Variants in MAP3K2 observed in about 807,000 individuals in gnomAD.
MAP3K2 encodes MAP/ERK kinase kinase 2.
Under a neutral mutation model 80.3 loss-of-function variants are expected in MAP3K2, and 24 were observed. The observed-to-expected ratio is 0.30, with a 90% CI of 0.22 to 0.42. The LOEUF is 0.42. MAP3K2 is among the 10% of genes least tolerant of loss of function. The pLI is 1.00. For synonymous variants in MAP3K2, 244 were observed against 253.7 expected (o/e 0.96, Z 0.36); for missense variants, 608 against 750.1 (o/e 0.81, Z 2.21).
intron 16 of MAP3K2, 95 bp downstream of exon 16, chr2:127,308,490 C>G: frequency 8.6e-7 from 1 of 1,165,678 alleles, no homozygotes; most frequent in South Asian, 1.9e-5. Context: ...TTTGGAAGTA[C>G]AAAAGATTAT....
intron 14 of MAP3K2, 143 bp downstream of exon 14, chr2:127,317,486 A>G: frequency 1.7e-6 from 1 of 604,234 alleles, no homozygotes; most frequent in Non-Finnish European, 2.7e-6. Context: ...AGGATAGAAA[A>G]TACTACTCAG....
In MAP3K2 at chr2:127,330,518, A is replaced by G. The variant is rs1289149037; in HGVS notation, c.265-13T>C. Reference sequence around the variant, plus strand: ...ATGGAATTACCAACTAAAAACAAACATAAGGAACCATGCAGCTATCTCACC... The same window carrying G: ...ATGGAATTACCAACTAAAAACAAACGTAAGGAACCATGCAGCTATCTCACC... On this transcript the variant is annotated splice_polypyrimidine_tract_variant and intron_variant, in intron 5 of 16. Transcript: ENST00000682094. 1.0e-5 allele frequency: 14 copies of G among 1,338,850 alleles called. No homozygotes were observed. Among genetic ancestry groups the G allele is most frequent in the African/African-American group, 1.4e-5 (1 of 69,198 alleles). 82.9% of individuals were successfully genotyped at this position (1,338,850 alleles called of 1,614,324 possible).
chr2:127,336,925 G>A (rs1686383847), intron 4 of MAP3K2, among the ~76,000 whole-genome samples: 1 of 152,214 alleles, frequency 6.6e-6, no homozygotes, highest in Non-Finnish European at 1.5e-5. Flanking sequence ...TGGATCATCT[G>A]AGGTCAGGAG....
chr2:127,325,146 G>C (rs1000010255), intron 9 of MAP3K2, among the ~76,000 whole-genome samples: 7 of 152,048 alleles, frequency 4.6e-5, no homozygotes, highest in Non-Finnish European at 1.0e-4. Context: ...AATTTGATTT[G>C]CCTTCAAACA....
chr2:127,333,354 A>G (rs1283618407), intron 5 of MAP3K2, among the ~76,000 whole-genome samples: 3 of 152,074 alleles, frequency 2.0e-5, no homozygotes, highest in East Asian at 3.8e-4. Flanking sequence ...ACCTCAGCTT[A>G]TATTTCCAGC....
intron 1 of MAP3K2, among the ~76,000 whole-genome samples, chr2:127,347,687 ACTCT>A (rs1214158730): frequency 6.6e-6 from 1 of 152,098 alleles, no homozygotes; most frequent in Non-Finnish European, 1.5e-5. Flanking sequence ...GATTCAATGA[ACTCT>A]CTATCAAAAT....
intron 15 of MAP3K2, among the ~76,000 whole-genome samples, chr2:127,312,118 CTATT>C (rs1285649412): frequency 1.3e-5 from 2 of 152,218 alleles, no homozygotes; most frequent in African/African-American, 2.4e-5. Flanking sequence ...TAGACAGTCT[CTATT>C]TAAGTGATAT....
chr2:127,320,085 T>C (rs1489345302), intron 12 of MAP3K2, among the ~76,000 whole-genome samples: 1 of 152,066 alleles, frequency 6.6e-6, no homozygotes, highest in Non-Finnish European at 1.5e-5. Context: ...TCCCTTATCC[T>C]ATACATGATA....
intron 1 of MAP3K2, 49 bp downstream of exon 1, chr2:127,387,385 GACACACACGCGCGCACAC>G (rs1224010391): frequency 2.3e-4 from 6 of 25,664 alleles, no homozygotes; most frequent in Non-Finnish European, 3.8e-4. Context: ...CGCGGCCCCC[GACACACACGCGCGCACAC>G]ACACACACAC....
At chr2:127,359,913 C>A (rs921659810) in intron 1 of MAP3K2, among the ~76,000 whole-genome samples, 2 of 152,190 alleles carry the variant, frequency 1.3e-5, no homozygotes, top group Non-Finnish European at 2.9e-5. Flanking sequence ...GCCAATTAAA[C>A]CTCTTTTCTT....
chr2:127,387,765 G>C lies in MAP3K2; in HGVS notation c.-379C>G. ...GGCCCGCGGGAACTGGGCAGGAAAG[G>C]AGGAAGCCGCGGGCCCGCGTCGCTA... On this transcript the variant is annotated 5_prime_UTR_variant, in exon 1 of 17. Transcript: ENST00000682094. The C allele has an allele frequency of 2.0e-6, 2 of 985,226 alleles. No homozygotes were observed. Among genetic ancestry groups the C allele is most frequent in the Non-Finnish European group, 2.4e-6 (2 of 829,814 alleles). The allele number at this position is 985,226 out of a possible 1,614,324, so 61.0% of individuals were successfully genotyped here. A position where few individuals can be genotyped will look rare whatever the true frequency, so the allele number is the denominator to read the frequency against.
intron 5 of MAP3K2, among the ~76,000 whole-genome samples, chr2:127,332,313 ATACT>A (rs1244649599): frequency 1.3e-5 from 2 of 152,348 alleles, no homozygotes; most frequent in East Asian, 3.9e-4. Flanking sequence ...GAAAATCTGA[ATACT>A]TACTTTTATT....
intron 2 of MAP3K2, among the ~76,000 whole-genome samples, chr2:127,342,669 A>G (rs1422830053): frequency 1.3e-5 from 1 of 78,656 alleles, no homozygotes; most frequent in Non-Finnish European, 2.5e-5. Context: ...GGAAAAAACA[A>G]AAAGGAGGTA....
intron 12 of MAP3K2, among the ~76,000 whole-genome samples, chr2:127,320,912 G>A (rs867304): frequency 0.35 from 53,319 of 151,908 alleles, 10,129 homozygotes; most frequent in East Asian, 0.62. Flanking sequence ...TTAAGCCCAA[G>A]AGTTCAAGAC....
chr2:127,369,675 T>C lies in MAP3K2; in HGVS notation c.-66+17777A>G, dbSNP rs141197559. 1.2e-3 allele frequency among the ~76,000 whole-genome samples: 184 copies of C among 152,254 alleles called. 2 individuals carry two copies. The South Asian group carries it at 0.018, about 15-fold the overall frequency. On this transcript the variant is annotated intron_variant, in intron 1 of 16. Transcript: ENST00000682094. ...TCTCCGTGGGAGGGCTGTTCACAAA[T>C]ACTTGTTTTTATCCTTCTGGGCATA...
At position 127,317,644 on chromosome 2, in the gene MAP3K2, C is replaced by G; in HGVS notation, c.1311G>C (p.Met437Ile). 6.4e-7 allele frequency: 1 copy of G among 1,574,404 alleles called. No homozygotes were observed. Among genetic ancestry groups the G allele is most frequent in the Non-Finnish European group, 8.6e-7 (1 of 1,158,562 alleles). The change falls in exon 14 of 17, where the codon ATG (methionine) becomes ATC (isoleucine). Residue 437 changes from methionine to isoleucine, a missense_variant. Physicochemically the swap from Met to Ile is conservative, Grantham distance 10. Coordinates refer to ENST00000682094, the MANE Select transcript of MAP3K2 (RefSeq NM_001371910.2). ...ACTAACTTACCCCTGGCATATATTC[C>G]ATAAATATGGAAAGTGTTTTTTCCT... ...DPQEKTLSIF[M>I]EYMPGGSIKD...
At chr2:127,330,356 T>C in intron 6 of MAP3K2, 36 bp downstream of exon 6, 4 of 1,042,038 alleles carry the variant, frequency 3.8e-6, no homozygotes, top group South Asian at 1.5e-5. Flanking sequence ...GCCTAAGTCC[T>C]ATAATTCTTA....
chr2:127,311,655 G>A (rs1191630271), intron 15 of MAP3K2, among the ~76,000 whole-genome samples: 3 of 151,926 alleles, frequency 2.0e-5, no homozygotes, highest in African/African-American at 7.3e-5. Context: ...CCCTCTCTAG[G>A]ATTTGAAGCA....
At chr2:127,326,588 G>A in intron 8 of MAP3K2, 99 bp downstream of exon 8, 1 of 785,518 alleles carries the variant, frequency 1.3e-6, no homozygotes, top group Non-Finnish European at 1.8e-6. Flanking sequence ...TGTAATTAGA[G>A]AAGAGATAAT....
Sources: allele counts gnomAD v4.1 joint callset (sites outside exome capture counted in the v4.1 genomes callset), GRCh38; gene constraint gnomAD v4.1.1; transcripts MANE v1.5; gene names NCBI Gene and HGNC (gene_info 2026-07-23, HGNC 2026-07-21).